Variants in TRIM52 observed in about 807,000 individuals in gnomAD.
The protein encoded by TRIM52 is E3 ubiquitin-protein ligase TRIM52.
Under a neutral mutation model 27.0 loss-of-function variants are expected in TRIM52, and 24 were observed. That is an observed-to-expected ratio of 0.89 (90% CI 0.64 to 1.25). TRIM52 has a LOEUF of 1.25. TRIM52 is among the 50% of genes most tolerant of loss of function. The probability of loss-of-function intolerance (pLI) is 0.00; values close to 1 mark genes in which losing one functional copy is unlikely to be tolerated. For missense variants in TRIM52, 351 were observed against 354.7 expected (o/e 0.99, Z 0.08); for synonymous variants, 125 against 126.5 (o/e 0.99, Z 0.08).
chr5:181,260,957 G>T lies in TRIM52; in HGVS notation c.-144C>A. ...TTCCTCGGGGCCGCAGGGGAGCTTT[G>T]ACCCCCTCTCTCAGGGTGCGAACGC... On this transcript the variant is annotated 5_prime_UTR_variant, in exon 1 of 2. Transcript: ENST00000688015. This position sits in a 1 kb window ranked among gnomAD's most constrained non-coding sequence, Gnocchi z 4.4. 7.8e-7 allele frequency: 1 copy of T among 1,281,132 alleles called. No individual in the cohort carries two copies. Among genetic ancestry groups the T allele is most frequent in the Non-Finnish European group, 1.0e-6 (1 of 959,844 alleles). 79.4% of individuals were successfully genotyped at this position (1,281,132 alleles called of 1,614,324 possible). A position where few individuals can be genotyped will look rare whatever the true frequency, so the allele number is the denominator to read the frequency against.
intron 1 of TRIM52, chr5:181,257,643 C>T (rs557157187): frequency 4.6e-5 from 24 of 520,270 alleles, no homozygotes; most frequent in African/African-American, 1.6e-4. Flanking sequence ...CTAAATCATG[C>T]GACTATAATT....
rs1759987226 is a variant in TRIM52 at position 181,260,301 on chromosome 5, CG to C, written c.512del (p.Pro171ArgfsTer37). 6.2e-7 allele frequency: 1 copy of C among 1,613,998 alleles called. No homozygotes were observed. The highest frequency in any genetic ancestry group is 1.3e-5 in the African/African-American group (1 of 74,880). ...EDEELYPDIHPPPSLPLPGQF... is the reference protein window; with the variant it reads ...EDEELYPDIHXPPSLPLPGQF... ...GCCCTGGAAGGGGCAAGGAAGGAGGCGGGTGGATGTCAGGATACAGCTCTTC... is the reference window on the plus strand; with the variant it reads ...GCCCTGGAAGGGGCAAGGAAGGAGGCGGTGGATGTCAGGATACAGCTCTTC... On this transcript the variant is annotated frameshift_variant, in exon 1 of 2. Coordinates refer to ENST00000688015, the MANE Select transcript of TRIM52 (RefSeq NM_001346048.2). LOFTEE classifies it high-confidence loss of function. This position sits in a 1 kb window ranked among gnomAD's most constrained non-coding sequence, Gnocchi z 4.4.
At chr5:181,249,819 C>G (rs917402022), downstream of TRIM52, among the ~76,000 whole-genome samples, 1 of 148,234 alleles carries the variant, frequency 6.7e-6, no homozygotes, top group Non-Finnish European at 1.5e-5. Context: ...GATCAGAGAT[C>G]ACTTGCAGTT....
At chr5:181,254,980 C>T (rs993344969), downstream of TRIM52, 3 of 152,186 alleles carry the variant, frequency 2.0e-5, no homozygotes, top group African/African-American at 7.2e-5. Context: ...CAGTGAACAG[C>T]TGAACCTAAT....
intron 1 of TRIM52, chr5:181,257,469 A>C (rs1322562941): frequency 5.0e-6 from 8 of 1,612,472 alleles, no homozygotes; most frequent in Non-Finnish European, 5.1e-6. Context: ...AAGTATTCCC[A>C]CCAGAGTTGT....
chr5:181,253,869 C>T (rs553852694), downstream of TRIM52, among the ~76,000 whole-genome samples: 1 of 142,954 alleles, frequency 7.0e-6, no homozygotes, highest in Non-Finnish European at 1.5e-5. Flanking sequence ...GTCCTTGTTA[C>T]ACAGAAGGCT....
downstream of TRIM52, among the ~76,000 whole-genome samples, chr5:181,252,401 C>T (rs1582308281): frequency 6.6e-6 from 1 of 152,274 alleles, no homozygotes; most frequent in Non-Finnish European, 1.5e-5. Context: ...GGTGCACTAG[C>T]CACATTTCAA....
rs1235455829 is a variant in TRIM52 at position 181,260,503 on chromosome 5, A to C, written c.311T>G (p.Leu104Arg). The change falls in exon 1 of 2, where the codon CTC (leucine) becomes CGC (arginine). Residue 104 changes from leucine to arginine, a missense_variant. By Grantham distance (102) the Leu-to-Arg change is moderately radical. Transcript: ENST00000688015. This position sits in a 1 kb window ranked among gnomAD's most constrained non-coding sequence, Gnocchi z 4.4. ...AGTTATACCACTGTCACCGAGCCAG[A>C]GTTCATCGTCATCTTGGTCTTGGAA... ...ELFQDQDDDE[L>R]WLGDSGITNW... is the part of the protein sequence containing the mutation. 2 of 1,613,552 alleles carry C rather than the reference A, an allele frequency of 1.2e-6. No homozygotes were observed. Among genetic ancestry groups the C allele is most frequent in the Admixed American group, 1.7e-5 (1 of 59,938 alleles).
At chr5:181,249,827 G>GTTTTT (rs1237894738), downstream of TRIM52, among the ~76,000 whole-genome samples, 3 of 128,468 alleles carry the variant, frequency 2.3e-5, no homozygotes, top group African/African-American at 6.1e-5. Flanking sequence ...ATCACTTGCA[G>GTTTTT]TTTTTTTTTT....
At chr5:181,252,335 C>T (rs1413277182), downstream of TRIM52, among the ~76,000 whole-genome samples, 1 of 152,152 alleles carries the variant, frequency 6.6e-6, no homozygotes. Context: ...TAGCCACTAG[C>T]TACATGTGGC....
In TRIM52 at chr5:181,260,644, T is replaced by A; in HGVS notation, c.170A>T (p.Asn57Ile). 1.2e-6 allele frequency: 2 copies of A among 1,613,876 alleles called. No homozygotes were observed. Among genetic ancestry groups the A allele is most frequent in the Non-Finnish European group, 1.7e-6 (2 of 1,179,942 alleles). Residue 57 changes from asparagine (N) to isoleucine (I), a missense_variant, in exon 1 of 2, where the codon AAC (asparagine) becomes ATC (isoleucine). Physicochemically the swap from Asn to Ile is moderately radical, Grantham distance 149. Transcript: ENST00000688015. This position sits in a 1 kb window ranked among gnomAD's most constrained non-coding sequence, Gnocchi z 4.4. ...LWSKEDEEDQ[N>I]EEEDEWEEEE... ...CTCCTCCCATTCATCTTCCTCCTCG[T>A]TCTGGTCCTCCTCGTCCTCCTTACT...
chr5:181,257,848 G>C (rs1410831845), intron 1 of TRIM52: 2 of 162,198 alleles, frequency 1.2e-5, no homozygotes, highest in East Asian at 3.6e-4. Flanking sequence ...AAATTAGCTG[G>C]GCATGGTGGT....
At position 181,255,905 on chromosome 5, in the gene TRIM52, T is replaced by A. The variant is rs1759756658; in HGVS notation, c.*904A>T. 6.6e-6 allele frequency: 1 copy of A among 152,232 alleles called. No homozygotes were observed. The allele number at this position is 152,232 out of a possible 1,614,324, so 9.4% of individuals were successfully genotyped here. Reference sequence around the variant, plus strand: ...TGTTCTGTCCACAAGTTCAGCAGAATCCGTTTTTCTTTGGCAACCAAGAAA... The same window carrying A: ...TGTTCTGTCCACAAGTTCAGCAGAAACCGTTTTTCTTTGGCAACCAAGAAA... On this transcript the variant is annotated 3_prime_UTR_variant, in exon 2 of 2. Coordinates refer to ENST00000688015, the MANE Select transcript of TRIM52 (RefSeq NM_001346048.2).
At chr5:181,251,834 C>A (rs1289285252), downstream of TRIM52, among the ~76,000 whole-genome samples, 2 of 152,184 alleles carry the variant, frequency 1.3e-5, no homozygotes, top group Admixed American at 1.3e-4. Context: ...GCTGCTCTCT[C>A]TTCCAGGACT....
downstream of TRIM52, among the ~76,000 whole-genome samples, chr5:181,250,948 T>A (rs1759621773): frequency 6.6e-6 from 1 of 152,088 alleles, no homozygotes; most frequent in Non-Finnish European, 1.5e-5. Context: ...TACTGCCAGC[T>A]GGAATTGTCA....
At chr5:181,254,257 T>TC (rs1432293038), downstream of TRIM52, among the ~76,000 whole-genome samples, 1 of 135,548 alleles carries the variant, frequency 7.4e-6, no homozygotes. Context: ...GCCACCACAC[T>TC]CCAGCCTGGG....
At chr5:181,253,235 A>T (rs1007400177), downstream of TRIM52, among the ~76,000 whole-genome samples, 1 of 141,448 alleles carries the variant, frequency 7.1e-6, no homozygotes, top group Non-Finnish European at 1.5e-5. Flanking sequence ...GGGTTTCTCC[A>T]TGTTGGTCAG....
chr5:181,257,098 C>A (rs1234269302), intron 1 of TRIM52: 1 of 1,035,444 alleles, frequency 9.7e-7, no homozygotes, highest in African/African-American at 1.7e-5. Flanking sequence ...TCTTTTTATA[C>A]ACCCGTCTGC....
At chr5:181,257,208 C>CGA in intron 1 of TRIM52, 4 of 1,249,700 alleles carry the variant, frequency 3.2e-6, no homozygotes, top group African/African-American at 1.5e-5. Flanking sequence ...AAGACGAACT[C>CGA]TAACTCATGG....
Sources: gnomAD v4.1 joint callset for allele counts (sites outside exome capture counted in the v4.1 genomes callset) on GRCh38, gnomAD v4.1.1 for gene constraint, Gnocchi (gnomAD v3.1) non-coding constraint, MANE v1.5 for transcripts, NCBI Gene and HGNC (gene_info 2026-07-23, HGNC 2026-07-21) for gene names.